Variants in STK3 observed in about 807,000 individuals in gnomAD.
STK3 encodes the protein serine/threonine kinase 3.
In STK3, 41 loss-of-function variants were observed where a neutral mutation model predicts 58.0. The ratio of observed to expected loss-of-function variants is 0.71; its 90% CI spans 0.55 to 0.92. The LOEUF is 0.92. Ranked by LOEUF, STK3 falls within the 40% of genes least tolerant of loss-of-function variation. The pLI, the probability that STK3 is intolerant of heterozygous loss-of-function variation, is 0.00. For synonymous variants in STK3, 170 were observed against 191.0 expected (o/e 0.89, Z 0.91); for missense variants, 479 against 602.7 (o/e 0.79, Z 2.15).
chr8:98,888,335 A>AAAAT (rs1838070392), intron 1 of STK3, among the ~76,000 whole-genome samples: 2 of 152,266 alleles, frequency 1.3e-5, no homozygotes, highest in South Asian at 4.1e-4. Flanking sequence ...AAAAAATTTT[A>AAAAT]AAATAAATAA....
chr8:98,455,713 C>T lies in STK3; in HGVS notation c.*129G>A. On this transcript the variant is annotated 3_prime_UTR_variant, in exon 11 of 11. Transcript: ENST00000419617. ...TTTTGGGAATTTACCTGGGCATGTA[C>T]CATTGTCACTTTTTGACCTCTGCCT... The T allele has an allele frequency of 9.1e-7, 1 of 1,104,362 alleles. No individual in the cohort carries two copies. Among genetic ancestry groups the T allele is most frequent in the South Asian group, 1.5e-5 (1 of 66,044 alleles). The allele number at this position is 1,104,362 out of a possible 1,614,324, so 68.4% of individuals were successfully genotyped here. A position where few individuals can be genotyped will look rare whatever the true frequency, so the allele number is the denominator to read the frequency against.
intron 4 of STK3, among the ~76,000 whole-genome samples, chr8:98,728,809 C>A (rs964208302): frequency 4.6e-5 from 7 of 152,012 alleles, no homozygotes; most frequent in Admixed American, 1.3e-4. Flanking sequence ...GAACAGAAAT[C>A]CACACATATC....
chr8:98,350,338 C>T, the STK3 span, among the ~76,000 whole-genome samples: 1 of 152,194 alleles, frequency 6.6e-6, no homozygotes, highest in Non-Finnish European at 1.5e-5. Context: ...ATTTCATTGT[C>T]TGTATCATTA....
At chr8:98,902,783 T>C (rs1838708252) in intron 1 of STK3, among the ~76,000 whole-genome samples, 1 of 152,244 alleles carries the variant, frequency 6.6e-6, no homozygotes, top group Non-Finnish European at 1.5e-5. Flanking sequence ...TGTCAGGCAC[T>C]TTGCAGAGAT....
intron 6 of STK3, among the ~76,000 whole-genome samples, chr8:98,635,034 G>A (rs1269036790): frequency 6.6e-6 from 1 of 151,980 alleles, no homozygotes. Context: ...AAGTTCCATA[G>A]CAGAGAGGAA....
intron 9 of STK3, among the ~76,000 whole-genome samples, chr8:98,528,549 C>T (rs933431294): frequency 5.3e-5 from 8 of 151,930 alleles, no homozygotes; most frequent in African/African-American, 1.5e-4. Flanking sequence ...TGCAATGGCA[C>T]GAACTCAGCT....
chr8:98,349,524 C>T, the STK3 span, among the ~76,000 whole-genome samples: 1 of 152,242 alleles, frequency 6.6e-6, no homozygotes, highest in East Asian at 1.9e-4. Context: ...CTCCACTAGG[C>T]AGCACCCCAG....
intron 6 of STK3, among the ~76,000 whole-genome samples, chr8:98,651,968 G>A (rs1820980086): frequency 6.6e-6 from 1 of 151,916 alleles, no homozygotes; most frequent in Non-Finnish European, 1.5e-5. Flanking sequence ...TTCAGATTCA[G>A]GAAATACAGA....
At chr8:98,544,156 G>A (rs1290260222) in intron 9 of STK3, among the ~76,000 whole-genome samples, 1 of 151,948 alleles carries the variant, frequency 6.6e-6, no homozygotes, top group Admixed American at 6.6e-5. Context: ...GTGAAGGGAG[G>A]GTGTGCTAAT....
At chr8:98,903,557 C>CTTCTTCCTCTTCTTCT (rs1564093746) in intron 1 of STK3, among the ~76,000 whole-genome samples, 1 of 9,928 alleles carries the variant, frequency 1.0e-4, no homozygotes, top group African/African-American at 3.5e-4. Context: ...CTTCTTCTTC[C>CTTCTTCCTCTTCTTCT]TTTTTTTTTT....
rs1211309060 is a variant in STK3 at position 98,586,822 on chromosome 8, C to T, written c.823-7033G>A. Among the ~76,000 whole-genome samples the T allele has an allele frequency of 1.9e-3, 293 of 151,506 alleles. 1 individual carries two copies. Among genetic ancestry groups the T allele is most frequent in the Non-Finnish European group, 3.3e-3 (221 of 67,834 alleles). On this transcript the variant is annotated intron_variant, in intron 7 of 10. Transcript: ENST00000419617. ...GATTCAACTTCTTCCTGGTTTAGTCCTGGGAGAGTGTATGTGTCGAGGAAT... is the reference window on the plus strand; with the variant it reads ...GATTCAACTTCTTCCTGGTTTAGTCTTGGGAGAGTGTATGTGTCGAGGAAT...
intron 6 of STK3, among the ~76,000 whole-genome samples, chr8:98,671,398 A>C (rs1822821512): frequency 6.6e-6 from 1 of 152,198 alleles, no homozygotes; most frequent in Non-Finnish European, 1.5e-5. Context: ...AATGCCATAA[A>C]TTACATAAAA....
At chr8:98,389,931 G>C (rs746774311), upstream of STK3, among the ~76,000 whole-genome samples, 19 of 151,976 alleles carry the variant, frequency 1.3e-4, no homozygotes, top group Non-Finnish European at 2.5e-4. Flanking sequence ...ACTGAGCAGA[G>C]GAGGGATGTG....
At chr8:98,547,888 G>GTC in intron 9 of STK3, 81 bp downstream of exon 9, 4 of 1,262,034 alleles carry the variant, frequency 3.2e-6, no homozygotes, top group Non-Finnish European at 4.1e-6. Context: ...GCTATAAAAA[G>GTC]TAACACAGAA....
intron 3 of STK3, among the ~76,000 whole-genome samples, chr8:98,752,346 A>G (rs1205054681): frequency 6.6e-6 from 1 of 152,142 alleles, no homozygotes. Context: ...AGGCAATGGA[A>G]AGGAAAAAGG....
At chr8:98,672,866 G>A (rs1822930072) in intron 6 of STK3, among the ~76,000 whole-genome samples, 1 of 152,136 alleles carries the variant, frequency 6.6e-6, no homozygotes, top group Non-Finnish European at 1.5e-5. Flanking sequence ...GTCGGGGGCA[G>A]TCACTAAGAA....
chr8:98,830,401 A>T (rs969398316), upstream of STK3, among the ~76,000 whole-genome samples: 1 of 152,184 alleles, frequency 6.6e-6, no homozygotes, highest in African/African-American at 2.4e-5. Flanking sequence ...GGGAACAATA[A>T]GTGCTAAGGC....
chr8:98,427,785 G>T (rs1818259473), intron 3 of STK3: 2 of 559,694 alleles, frequency 3.6e-6, no homozygotes, highest in Non-Finnish European at 6.3e-6. Context: ...GCCTTTCCTG[G>T]GAGGGGATCA....
At chr8:98,433,673 C>T (rs999311933) in intron 3 of STK3, among the ~76,000 whole-genome samples, 1 of 152,200 alleles carries the variant, frequency 6.6e-6, no homozygotes, top group African/African-American at 2.4e-5. Flanking sequence ...TCTCTATGTC[C>T]TCATTCTAGC....
Sources: allele counts gnomAD v4.1 joint callset (sites outside exome capture counted in the v4.1 genomes callset), GRCh38; gene constraint gnomAD v4.1.1; transcripts MANE v1.5; gene names NCBI Gene and HGNC (gene_info 2026-07-23, HGNC 2026-07-21).